TRPM3: variants seen among roughly 807,000 people sequenced by gnomAD.
TRPM3 encodes long transient receptor potential channel 3.
In TRPM3, 77 loss-of-function variants were observed where a neutral mutation model predicts 181.2. That is an observed-to-expected ratio of 0.42 (90% CI 0.35 to 0.51). TRPM3 has a LOEUF of 0.51. Among genes scored for constraint, TRPM3 ranks in the 20% least tolerant of loss-of-function variants. The pLI is 0.01. For missense variants in TRPM3, 1,759 were observed against 2,196.7 expected (o/e 0.80, Z 3.98); for synonymous variants, 745 against 796.4 (o/e 0.94, Z 1.09).
intron 1 of TRPM3, among the ~76,000 whole-genome samples, chr9:71,409,325 A>G (rs2093497602): frequency 6.6e-6 from 1 of 152,208 alleles, no homozygotes; most frequent in Non-Finnish European, 1.5e-5. Flanking sequence ...AATTGGATAA[A>G]GAATCAAGAC....
At chr9:71,237,913 A>G (rs1263522779) in intron 1 of TRPM3, among the ~76,000 whole-genome samples, 2 of 152,178 alleles carry the variant, frequency 1.3e-5, no homozygotes, top group African/African-American at 2.4e-5. Context: ...AATCCTGTTA[A>G]TTAGGAAGAT....
At chr9:70,699,128 T>G (rs990899990) in intron 8 of TRPM3, among the ~76,000 whole-genome samples, 1 of 152,192 alleles carries the variant, frequency 6.6e-6, no homozygotes, top group African/African-American at 2.4e-5. Context: ...ATATTCAGCC[T>G]CTATCATTAG....
At chr9:71,424,512 A>T (rs2093829437) in intron 1 of TRPM3, among the ~76,000 whole-genome samples, 1 of 152,190 alleles carries the variant, frequency 6.6e-6, no homozygotes, top group African/African-American at 2.4e-5. Context: ...AAACATAAGC[A>T]ATATCATAAG....
chr9:70,619,244 C>A, intron 16 of TRPM3, 149 bp from the exon 17 acceptor site: 1 of 651,012 alleles, frequency 1.5e-6, no homozygotes. Context: ...TTCATCCAGC[C>A]AACATCCACT....
At chr9:70,974,173 T>C (rs190827201) in intron 1 of TRPM3, among the ~76,000 whole-genome samples, 7 of 152,294 alleles carry the variant, frequency 4.6e-5, no homozygotes, top group East Asian at 3.9e-4. Flanking sequence ...TGCTTTTTTT[T>C]CCCTTGATAC....
intron 1 of TRPM3, among the ~76,000 whole-genome samples, chr9:71,274,474 A>G (rs564853228): frequency 4.6e-5 from 7 of 152,318 alleles, no homozygotes; most frequent in Admixed American, 1.3e-4. Flanking sequence ...TTACATTTAT[A>G]CAGACAGTTA....
At chr9:70,753,438 G>A (rs1308271239) in intron 8 of TRPM3, among the ~76,000 whole-genome samples, 1 of 152,058 alleles carries the variant, frequency 6.6e-6, no homozygotes, top group African/African-American at 2.4e-5. Context: ...ATAAATACGA[G>A]GATTGGCTGG....
intron 1 of TRPM3, among the ~76,000 whole-genome samples, chr9:70,902,870 G>A (rs1375394933): frequency 6.6e-6 from 1 of 152,188 alleles, no homozygotes; most frequent in Non-Finnish European, 1.5e-5. Flanking sequence ...GTATCTTAAG[G>A]GCTCACAGTG....
chr9:71,377,964 T>G (rs2092705697), intron 1 of TRPM3, among the ~76,000 whole-genome samples: 1 of 152,092 alleles, frequency 6.6e-6, no homozygotes, highest in South Asian at 2.1e-4. Flanking sequence ...CACGATTTAT[T>G]TATCTATTCT....
chr9:71,149,091 A>G (rs2075590210), intron 1 of TRPM3, among the ~76,000 whole-genome samples: 1 of 152,110 alleles, frequency 6.6e-6, no homozygotes, highest in Admixed American at 6.6e-5. Flanking sequence ...GGATGGCGGG[A>G]AGGCAAGTGA....
chr9:71,043,090 A>G (rs963024224), intron 1 of TRPM3, among the ~76,000 whole-genome samples: 1 of 152,216 alleles, frequency 6.6e-6, no homozygotes, highest in Non-Finnish European at 1.5e-5. Flanking sequence ...AAATTTCTGT[A>G]TCTTTGCAAA....
At chr9:71,367,673 A>G (rs1436891473) in intron 1 of TRPM3, among the ~76,000 whole-genome samples, 7 of 152,132 alleles carry the variant, frequency 4.6e-5, no homozygotes, top group South Asian at 2.1e-4. Context: ...ATCAAATAAG[A>G]GGATGGTTAT....
At chr9:71,341,153 G>A (rs1208475719) in intron 1 of TRPM3, among the ~76,000 whole-genome samples, 6 of 152,096 alleles carry the variant, frequency 3.9e-5, no homozygotes, top group Admixed American at 3.3e-4. Context: ...TATATAGGAA[G>A]AAAGAGGAAA....
At chr9:71,365,290 T>C (rs767230562) in intron 1 of TRPM3, among the ~76,000 whole-genome samples, 2 of 152,218 alleles carry the variant, frequency 1.3e-5, no homozygotes, top group Non-Finnish European at 2.9e-5. Context: ...CCCTTCCCAC[T>C]AAGAAAACCC....
rs145039227 is a variant in TRPM3 at position 70,845,465 on chromosome 9, C to G, written c.676+913G>C. Among the ~76,000 whole-genome samples, 353 of 152,262 alleles carry G rather than the reference C, an allele frequency of 2.3e-3. 11 individuals are homozygous for G. The East Asian group carries it at 0.062, about 27-fold the overall frequency. The stretch of plus-strand genomic sequence containing the variant: ...ATGTTGGCCAGGCTGGTCTCGAACT[C>G]CTGATCTCAGGTGATCCCCCTGCCT... On this transcript the variant is annotated intron_variant, in intron 4 of 25. Coordinates refer to ENST00000677713, the MANE Select transcript of TRPM3 (RefSeq NM_001366145.2).
At chr9:71,408,962 A>G (rs1324985757) in intron 1 of TRPM3, among the ~76,000 whole-genome samples, 2 of 152,244 alleles carry the variant, frequency 1.3e-5, no homozygotes, top group African/African-American at 2.4e-5. Flanking sequence ...ATATTCATAA[A>G]GAAAATAATT....
At chr9:70,745,099 A>G (rs1008523070) in intron 8 of TRPM3, among the ~76,000 whole-genome samples, 2 of 152,274 alleles carry the variant, frequency 1.3e-5, no homozygotes, top group Non-Finnish European at 2.9e-5. Flanking sequence ...CATCATCACC[A>G]TTGTTACAAT....
At chr9:70,660,809 A>G (rs2061020860) in intron 9 of TRPM3, among the ~76,000 whole-genome samples, 1 of 152,110 alleles carries the variant, frequency 6.6e-6, no homozygotes, top group Non-Finnish European at 1.5e-5. Flanking sequence ...ATGCCAACAA[A>G]AATGTCCAGG....
intron 1 of TRPM3, among the ~76,000 whole-genome samples, chr9:70,870,440 C>A (rs2095763782): frequency 6.6e-6 from 1 of 152,050 alleles, no homozygotes. Flanking sequence ...AGTCCCTTTG[C>A]CTGTCTTCAG....
Sources: allele counts gnomAD v4.1 joint callset (sites outside exome capture counted in the v4.1 genomes callset), GRCh38; gene constraint gnomAD v4.1.1; transcripts MANE v1.5; gene names NCBI Gene and HGNC (gene_info 2026-07-23, HGNC 2026-07-21).